MTCH2: variants seen among roughly 807,000 people sequenced by gnomAD.
MTCH2 encodes mitochondrial carrier homolog 2.
MTCH2 carries 25 observed loss-of-function variants against 50.6 expected under a neutral mutation model. That is an observed-to-expected ratio of 0.49 (90% confidence interval 0.36 to 0.69). MTCH2 has a LOEUF of 0.69. Ranked by LOEUF, MTCH2 falls within the 30% of genes least tolerant of loss-of-function variation. The probability of loss-of-function intolerance (pLI) is 0.00; values close to 1 mark genes in which losing one functional copy is unlikely to be tolerated. For synonymous variants in MTCH2, 106 were observed against 132.0 expected, an observed-to-expected ratio of 0.80 and a Z score of 1.35; for missense variants, 273 against 384.4, an observed-to-expected ratio of 0.71 and a Z score of 2.42.
chr11:47,629,081 A>C (rs1407290463), intron 8 of MTCH2, 35 bp from the exon 9 acceptor site: 2 of 1,537,824 alleles, frequency 1.3e-6, no homozygotes, highest in Non-Finnish European at 1.8e-6. Context: ...AGAACCAAAA[A>C]ATGTGATCAG....
chr11:47,634,767 T>TG, intron 4 of MTCH2, 33 bp from the exon 5 acceptor site: 1 of 1,259,658 alleles, frequency 7.9e-7, no homozygotes, highest in Admixed American at 2.3e-5. Context: ...ATAGAGATCT[T>TG]GATTTTTTTT....
intron 8 of MTCH2, 39 bp from the exon 9 acceptor site, chr11:47,629,085 TG>T: frequency 6.6e-7 from 1 of 1,517,818 alleles, no homozygotes; most frequent in Non-Finnish European, 9.1e-7. Flanking sequence ...CCAAAAAATG[TG>T]ATCAGTAACA....
At chr11:47,613,115 C>A (rs541844199), downstream of MTCH2, among the ~76,000 whole-genome samples, 5 of 151,682 alleles carry the variant, frequency 3.3e-5, no homozygotes, top group South Asian at 8.3e-4. Context: ...ACTATGTTGT[C>A]TAGGCTGGTC....
chr11:47,611,877 A>C, the MTCH2 span, among the ~76,000 whole-genome samples: 4 of 152,200 alleles, frequency 2.6e-5, no homozygotes, highest in Non-Finnish European at 4.4e-5. Context: ...TTTGGTGCCC[A>C]GAGTACAGAG....
At chr11:47,605,054 C>A in the MTCH2 span, among the ~76,000 whole-genome samples, 6 of 152,212 alleles carry the variant, frequency 3.9e-5, no homozygotes, top group South Asian at 1.2e-3. Flanking sequence ...CCTCAGCCTC[C>A]CGAGTAGCTG....
intron 11 of MTCH2, 52 bp from the exon 12 acceptor site, chr11:47,622,828 T>C: frequency 9.9e-7 from 1 of 1,009,210 alleles, no homozygotes. Context: ...ACCATTCTCT[T>C]GAGACGTTGA....
chr11:47,620,003 G>C (rs1231192077), intron 12 of MTCH2, among the ~76,000 whole-genome samples: 1 of 152,180 alleles, frequency 6.6e-6, no homozygotes, highest in East Asian at 1.9e-4. Context: ...CTTGAACCTG[G>C]GAGGTGAAGG....
At chr11:47,616,484 C>G (rs758337069), downstream of MTCH2, among the ~76,000 whole-genome samples, 3 of 151,496 alleles carry the variant, frequency 2.0e-5, no homozygotes, top group Non-Finnish European at 4.4e-5. Context: ...ACTACAGGTG[C>G]GTGCCACCAT....
chr11:47,642,048 C>G (rs1246099616), intron 1 of MTCH2, among the ~76,000 whole-genome samples: 1 of 152,078 alleles, frequency 6.6e-6, no homozygotes, highest in African/African-American at 2.4e-5. Context: ...AGGGAGGGTT[C>G]GGAAGCCTTT....
chr11:47,612,546 A>G (rs548909090), downstream of MTCH2, among the ~76,000 whole-genome samples: 4 of 151,866 alleles, frequency 2.6e-5, no homozygotes, highest in Non-Finnish European at 5.9e-5. Context: ...CCTGGGCAAC[A>G]GGGCAAGACT....
chr11:47,625,878 AAC>A, intron 10 of MTCH2, 137 bp from the exon 11 acceptor site: 2 of 589,392 alleles, frequency 3.4e-6, no homozygotes, highest in Non-Finnish European at 5.9e-6. Context: ...CTGGAAAGAC[AAC>A]AGTTACAGTT....
At chr11:47,635,017 C>A (rs929517466) in intron 4 of MTCH2, among the ~76,000 whole-genome samples, 1 of 152,142 alleles carries the variant, frequency 6.6e-6, no homozygotes, top group Non-Finnish European at 1.5e-5. Flanking sequence ...GTGATCTCCA[C>A]CTGCCTCGGC....
intron 3 of MTCH2, among the ~76,000 whole-genome samples, chr11:47,637,798 C>G (rs140156610): frequency 6.6e-6 from 1 of 152,164 alleles, no homozygotes; most frequent in African/African-American, 2.4e-5. Flanking sequence ...GAAGATAAAG[C>G]AAAGTAATGT....
intron 12 of MTCH2, among the ~76,000 whole-genome samples, chr11:47,620,287 A>T (rs1565961897): frequency 6.6e-6 from 1 of 152,008 alleles, no homozygotes; most frequent in Non-Finnish European, 1.5e-5. Context: ...TAATAATAAA[A>T]TTAAAAAAAA....
At chr11:47,631,528 C>A in intron 6 of MTCH2, 126 bp downstream of exon 6, 2 of 892,024 alleles carry the variant, frequency 2.2e-6, no homozygotes, top group Non-Finnish European at 1.7e-6. Context: ...TGGATAAAAG[C>A]CAAAACAAGC....
At chr11:47,607,750 G>A in the MTCH2 span, among the ~76,000 whole-genome samples, 29 of 152,302 alleles carry the variant, frequency 1.9e-4, no homozygotes, top group Middle Eastern at 0.017. Context: ...GAAACCAGCC[G>A]AGGGGTGGGA....
chr11:47,634,642 A>G, intron 5 of MTCH2, 30 bp downstream of exon 5: 1 of 1,568,930 alleles, frequency 6.4e-7, no homozygotes, highest in African/African-American at 1.4e-5. Context: ...TGATCTGGGC[A>G]AACAGCACAG....
At chr11:47,605,066 G>A in the MTCH2 span, among the ~76,000 whole-genome samples, 1 of 152,088 alleles carries the variant, frequency 6.6e-6, no homozygotes, top group Non-Finnish European at 1.5e-5. Flanking sequence ...GAGTAGCTGG[G>A]ACTACAGGCG....
chr11:47,631,009 T>G (rs778416334), intron 7 of MTCH2, 27 bp downstream of exon 7: 14 of 1,573,252 alleles, frequency 8.9e-6, no homozygotes, highest in South Asian at 7.8e-5. Context: ...AAGATCTCCT[T>G]GAGTATGTGA....
Sources: allele counts gnomAD v4.1 joint callset (sites outside exome capture counted in the v4.1 genomes callset), GRCh38; gene constraint gnomAD v4.1.1; transcripts MANE v1.5; gene names NCBI Gene and HGNC (gene_info 2026-07-23, HGNC 2026-07-21).